Variants in KIF6 observed in about 807,000 individuals in gnomAD.
KIF6 encodes kinesin-like protein KIF6.
KIF6 carries 106 observed loss-of-function variants against 112.7 expected under a neutral mutation model. The observed-to-expected ratio is 0.94, with a 90% CI of 0.80 to 1.11. KIF6 has a LOEUF of 1.11. Among genes scored for constraint, KIF6 ranks in the 50% least tolerant of loss-of-function variants. The pLI, the probability that KIF6 is intolerant of heterozygous loss-of-function variation, is 0.00. For synonymous variants in KIF6, 339 were observed against 339.9 expected (o/e 1.00, Z 0.03); for missense variants, 929 against 964.0 (o/e 0.96, Z 0.48).
In KIF6 at chr6:39,336,086, C is replaced by G. The variant is rs1001564704; in HGVS notation, c.*446G>C. The G allele has an allele frequency of 4.5e-5, 7 of 156,126 alleles. No homozygotes were observed. The highest frequency in any genetic ancestry group is 9.9e-5 in the Non-Finnish European group (7 of 70,792). The allele number at this position is 156,126 out of a possible 1,614,324, so 9.7% of individuals were successfully genotyped here. On this transcript the variant is annotated 3_prime_UTR_variant, in exon 23 of 23. Transcript: ENST00000287152. ...TCATGGCCATTTCTGGGCTTCCAAACCAGAGCACGGGCCAAGGGAGAGAGC... is the reference window on the plus strand; with the variant it reads ...TCATGGCCATTTCTGGGCTTCCAAAGCAGAGCACGGGCCAAGGGAGAGAGC...
At position 39,385,790 on chromosome 6, in the gene KIF6, A is replaced by G; in HGVS notation, c.1811-118T>C. 3 of 719,236 alleles carry G rather than the reference A, an allele frequency of 4.2e-6. No individual in the cohort carries two copies. The Admixed American group carries it at 7.2e-5, about 17-fold the overall frequency. The allele number at this position is 719,236 out of a possible 1,614,324, so 44.6% of individuals were successfully genotyped here. A position where few individuals can be genotyped will look rare whatever the true frequency, so the allele number is the denominator to read the frequency against. On this transcript the variant is annotated intron_variant, in intron 15 of 22. Coordinates refer to ENST00000287152, the MANE Select transcript of KIF6 (RefSeq NM_145027.6). Reference sequence around the variant, plus strand: ...AAAAAAAGGTAGAGTAAGGGAAACAAAAGCAGGCATAGCTTCCAAGAAATG... The same window carrying G: ...AAAAAAAGGTAGAGTAAGGGAAACAGAAGCAGGCATAGCTTCCAAGAAATG...
intron 13 of KIF6, among the ~76,000 whole-genome samples, chr6:39,480,689 G>A (rs1184552016): frequency 6.6e-6 from 1 of 151,988 alleles, no homozygotes; most frequent in African/African-American, 2.4e-5. Flanking sequence ...CTGGTCCTGG[G>A]CTTTGTTGTG....
chr6:39,372,840 G>A (rs1766127320), intron 16 of KIF6, among the ~76,000 whole-genome samples: 4 of 152,078 alleles, frequency 2.6e-5, no homozygotes, highest in African/African-American at 9.7e-5. Flanking sequence ...AAAGCTTTCT[G>A]TTGGTTATTT....
chr6:39,654,617 T>C (rs1785662358), intron 3 of KIF6, among the ~76,000 whole-genome samples: 1 of 152,230 alleles, frequency 6.6e-6, no homozygotes, highest in Non-Finnish European at 1.5e-5. Context: ...TTGTTAAAAA[T>C]ATTTACATTT....
intron 13 of KIF6, among the ~76,000 whole-genome samples, chr6:39,507,017 A>C (rs1357669601): frequency 1.3e-5 from 2 of 152,154 alleles, no homozygotes; most frequent in African/African-American, 4.8e-5. Context: ...TAAACCATTA[A>C]ATGTAAGTGA....
chr6:39,696,269 G>A (rs139768320), intron 3 of KIF6, among the ~76,000 whole-genome samples: 68 of 152,192 alleles, frequency 4.5e-4, no homozygotes, highest in Non-Finnish European at 8.4e-4. Flanking sequence ...TTATACACCC[G>A]CACATGTACC....
intron 1 of KIF6, among the ~76,000 whole-genome samples, chr6:39,723,946 C>T (rs1220946782): frequency 6.6e-6 from 1 of 152,104 alleles, no homozygotes; most frequent in African/African-American, 2.4e-5. Flanking sequence ...AGCTATGCCA[C>T]TCCCCAGCTG....
chr6:39,615,619 G>C (rs1039991134), intron 5 of KIF6, among the ~76,000 whole-genome samples: 5 of 152,044 alleles, frequency 3.3e-5, no homozygotes, highest in Non-Finnish European at 5.9e-5. Context: ...TGATTCTAGT[G>C]TGCAGCCAAG....
intron 7 of KIF6, among the ~76,000 whole-genome samples, chr6:39,595,791 A>G (rs530523949): frequency 6.6e-6 from 1 of 152,320 alleles, no homozygotes; most frequent in Admixed American, 6.5e-5. Context: ...AGAGATGACC[A>G]GGGACTAGAG....
At chr6:39,468,454 A>C (rs1773928262) in intron 13 of KIF6, among the ~76,000 whole-genome samples, 1 of 152,206 alleles carries the variant, frequency 6.6e-6, no homozygotes, top group African/African-American at 2.4e-5. Flanking sequence ...AGCTAAAGAC[A>C]AAGAGAAAAT....
chr6:39,521,579 TC>T (rs1462864499), intron 13 of KIF6, among the ~76,000 whole-genome samples: 1 of 151,888 alleles, frequency 6.6e-6, no homozygotes, highest in East Asian at 1.9e-4. Flanking sequence ...ATACCAACTG[TC>T]CCCCTAAAAA....
intron 13 of KIF6, among the ~76,000 whole-genome samples, chr6:39,480,999 A>G (rs1168003742): frequency 3.3e-5 from 5 of 152,004 alleles, no homozygotes; most frequent in East Asian, 3.8e-4. Flanking sequence ...TATCTTTTCA[A>G]AGAACCGGCC....
rs754455244 is a variant in KIF6 at position 39,639,763 on chromosome 6, A to G, written c.252-6T>C. 8 of 1,606,030 alleles carry G rather than the reference A, an allele frequency of 5.0e-6. No homozygotes were observed. The Admixed American group carries it at 1.2e-4, about 24-fold the overall frequency. On this transcript the variant is annotated splice_polypyrimidine_tract_variant and splice_region_variant and intron_variant, in intron 3 of 22. Coordinates refer to ENST00000287152, the MANE Select transcript of KIF6 (RefSeq NM_145027.6). ...CATTGTAACCTGCCAGGACACTGCAATAAAGAAATGACACACTTTCAATAT... is the reference window on the plus strand; with the variant it reads ...CATTGTAACCTGCCAGGACACTGCAGTAAAGAAATGACACACTTTCAATAT...
At chr6:39,673,015 A>T (rs753832374) in intron 3 of KIF6, among the ~76,000 whole-genome samples, 15 of 152,210 alleles carry the variant, frequency 9.9e-5, no homozygotes, top group Non-Finnish European at 1.5e-4. Context: ...GAAGTGAGGT[A>T]GCCAGAATCA....
chr6:39,616,049 C>G (rs1239984856), intron 5 of KIF6, among the ~76,000 whole-genome samples: 1 of 152,168 alleles, frequency 6.6e-6, no homozygotes, highest in Non-Finnish European at 1.5e-5. Flanking sequence ...TTCACTGAAA[C>G]AGGAAATGCA....
chr6:39,514,886 A>G (rs928763771), intron 13 of KIF6, among the ~76,000 whole-genome samples: 18 of 152,216 alleles, frequency 1.2e-4, no homozygotes, highest in Non-Finnish European at 4.4e-5. Context: ...AAATTTGATT[A>G]ATGATAGAAA....
chr6:39,593,811 A>G (rs1031415372), intron 7 of KIF6, among the ~76,000 whole-genome samples: 1 of 152,192 alleles, frequency 6.6e-6, no homozygotes, highest in East Asian at 1.9e-4. Context: ...TAAGAAAACC[A>G]TCTTCAACTC....
At chr6:39,449,449 A>G (rs535646093) in intron 13 of KIF6, among the ~76,000 whole-genome samples, 1 of 152,190 alleles carries the variant, frequency 6.6e-6, no homozygotes, top group African/African-American at 2.4e-5. Flanking sequence ...GGGGCTTTAT[A>G]CTTGCTGCTT....
In KIF6 at chr6:39,516,943, C is replaced by A. The variant is rs148396875; in HGVS notation, c.1645+23060G>T. The stretch of plus-strand genomic sequence containing the variant: ...GACAGTTGTACCTGACTTGGAGGGG[C>A]CCTGGGAGCAAAGGAAGGTGAGTAG... On this transcript the variant is annotated intron_variant, in intron 13 of 22. Transcript: ENST00000287152. 1.8e-4 allele frequency among the ~76,000 whole-genome samples: 27 copies of A among 152,224 alleles called. 1 individual carries two copies. The highest frequency in any genetic ancestry group is 5.3e-4 in the African/African-American group (22 of 41,554).
Sources: gnomAD v4.1 joint callset for allele counts (sites outside exome capture counted in the v4.1 genomes callset) on GRCh38, gnomAD v4.1.1 for gene constraint, MANE v1.5 for transcripts, NCBI Gene and HGNC (gene_info 2026-07-23, HGNC 2026-07-21) for gene names.